Variants in NALF1 observed in about 807,000 individuals in gnomAD.
NALF1 encodes family with sequence similarity 155 member A.
A neutral mutation model predicts 48.4 loss-of-function variants in NALF1; 3 were observed. The observed-to-expected ratio is 0.06, with a 90% CI of 0.03 to 0.16. NALF1 has a LOEUF of 0.16. Ranked by LOEUF, NALF1 falls within the 10% of genes least tolerant of loss-of-function variation. The probability of loss-of-function intolerance (pLI) is 1.00; values close to 1 mark genes in which losing one functional copy is unlikely to be tolerated. For missense variants in NALF1, 526 were observed against 571.5 expected (o/e 0.92, Z 0.81); for synonymous variants, 262 against 245.7 (o/e 1.07, Z -0.62).
chr13:107,625,817 T>C (rs932330673), intron 1 of NALF1, among the ~76,000 whole-genome samples: 1 of 152,218 alleles, frequency 6.6e-6, no homozygotes, highest in Admixed American at 6.5e-5. Flanking sequence ...TACCTGACAC[T>C]AAATAACTGT....
intron 1 of NALF1, among the ~76,000 whole-genome samples, chr13:107,770,353 G>A (rs1877545952): frequency 7.0e-6 from 1 of 141,990 alleles, no homozygotes; most frequent in African/African-American, 2.6e-5. Flanking sequence ...TAGATGAGGG[G>A]TAAAAGGTCA....
At chr13:107,414,709 T>C (rs956460834) in intron 1 of NALF1, among the ~76,000 whole-genome samples, 2 of 151,972 alleles carry the variant, frequency 1.3e-5, no homozygotes, top group Non-Finnish European at 1.5e-5. Context: ...TCTCCCATGA[T>C]CTAAGTTGTT....
chr13:107,187,237 G>A (rs1047791810), intron 2 of NALF1, among the ~76,000 whole-genome samples: 3 of 152,142 alleles, frequency 2.0e-5, no homozygotes, highest in Admixed American at 1.3e-4. Context: ...CTTCTGCCAC[G>A]TAATGTAGCA....
chr13:107,825,972 G>T (rs1879503788), intron 1 of NALF1, among the ~76,000 whole-genome samples: 1 of 152,130 alleles, frequency 6.6e-6, no homozygotes, highest in African/African-American at 2.4e-5. Flanking sequence ...GTAGAGATGG[G>T]GTTTCACCAT....
chr13:107,845,062 G>C (rs1313398094), intron 1 of NALF1, among the ~76,000 whole-genome samples: 2 of 152,134 alleles, frequency 1.3e-5, no homozygotes, highest in Non-Finnish European at 2.9e-5. Context: ...TTACGCATAG[G>C]AAAAAGGCAC....
chr13:107,589,829 T>C (rs534198195), intron 1 of NALF1, among the ~76,000 whole-genome samples: 113 of 151,766 alleles, frequency 7.4e-4, no homozygotes, highest in Non-Finnish European at 1.3e-3. Flanking sequence ...TTATATGATA[T>C]GATGGGACTT....
intron 1 of NALF1, among the ~76,000 whole-genome samples, chr13:107,336,140 C>G (rs1882550807): frequency 6.6e-6 from 1 of 151,968 alleles, no homozygotes; most frequent in Non-Finnish European, 1.5e-5. Context: ...TCACTTGAGG[C>G]TAGGAATTCA....
intron 1 of NALF1, among the ~76,000 whole-genome samples, chr13:107,736,184 C>T (rs1358612905): frequency 1.1e-5 from 1 of 87,614 alleles, no homozygotes; most frequent in African/African-American, 4.4e-5. Flanking sequence ...CATGCATACA[C>T]ACACACACAT....
At chr13:107,825,379 A>T (rs79630481) in intron 1 of NALF1, among the ~76,000 whole-genome samples, 1,810 of 152,366 alleles carry the variant, frequency 0.012, 36 homozygotes, top group African/African-American at 0.041. Context: ...CATTTTTCAT[A>T]TCAAATGTCA....
intron 1 of NALF1, among the ~76,000 whole-genome samples, chr13:107,413,225 T>C (rs1460520039): frequency 6.6e-6 from 1 of 152,180 alleles, no homozygotes; most frequent in African/African-American, 2.4e-5. Context: ...TAGATGTTTA[T>C]GTACTAATAT....
intron 1 of NALF1, among the ~76,000 whole-genome samples, chr13:107,757,365 T>A (rs1260672859): frequency 1.3e-5 from 2 of 150,480 alleles, no homozygotes; most frequent in African/African-American, 4.9e-5. Context: ...AAATGAAGAG[T>A]AACATTATGG....
chr13:107,505,625 A>T (rs1875672679), intron 1 of NALF1, among the ~76,000 whole-genome samples: 1 of 152,182 alleles, frequency 6.6e-6, no homozygotes, highest in Non-Finnish European at 1.5e-5. Context: ...ATTAAGTAAC[A>T]GCGAGAGAAG....
At chr13:107,694,148 G>A (rs1881642309) in intron 1 of NALF1, among the ~76,000 whole-genome samples, 1 of 152,144 alleles carries the variant, frequency 6.6e-6, no homozygotes, top group Non-Finnish European at 1.5e-5. Context: ...CGGATGAGGG[G>A]TTTTACAAAC....
intron 1 of NALF1, among the ~76,000 whole-genome samples, chr13:107,736,916 C>T (rs1876484818): frequency 6.6e-6 from 1 of 152,220 alleles, no homozygotes; most frequent in Non-Finnish European, 1.5e-5. Flanking sequence ...CCTAGACTAA[C>T]TTGGCAGGGG....
intron 1 of NALF1, among the ~76,000 whole-genome samples, chr13:107,215,196 C>T (rs563889772): frequency 2.4e-4 from 37 of 152,338 alleles, no homozygotes; most frequent in Admixed American, 2.0e-3. Flanking sequence ...GTTGAAATTA[C>T]ACTCCATGTT....
intron 1 of NALF1, among the ~76,000 whole-genome samples, chr13:107,696,901 C>T (rs1394346687): frequency 3.9e-5 from 6 of 152,040 alleles, no homozygotes; most frequent in East Asian, 1.9e-4. Context: ...CATTCTTACA[C>T]GTATCATTCC....
chr13:107,703,431 C>T (rs1043854320), intron 1 of NALF1, among the ~76,000 whole-genome samples: 1 of 151,140 alleles, frequency 6.6e-6, no homozygotes, highest in African/African-American at 2.4e-5. Context: ...GCACGACCTC[C>T]GCCTCCCAGG....
At chr13:107,503,205 T>C (rs1352809931) in intron 1 of NALF1, among the ~76,000 whole-genome samples, 1 of 152,206 alleles carries the variant, frequency 6.6e-6, no homozygotes, top group Non-Finnish European at 1.5e-5. Flanking sequence ...CTGTGGCCTT[T>C]GCAGAAGACA....
chr13:107,851,911 C>T (rs140277226), intron 1 of NALF1, among the ~76,000 whole-genome samples: 112 of 148,990 alleles, frequency 7.5e-4, no homozygotes, highest in African/African-American at 2.7e-3. Flanking sequence ...TAAGCCCAAG[C>T]AACCCTCCTA....
Sources: allele counts gnomAD v4.1 joint callset (sites outside exome capture counted in the v4.1 genomes callset), GRCh38; gene constraint gnomAD v4.1.1; transcripts MANE v1.5; gene names NCBI Gene and HGNC (gene_info 2026-07-23, HGNC 2026-07-21).